The following PDCD1LG2 variants were observed in gnomAD, a reference collection of about 807,000 sequenced individuals.
The protein encoded by PDCD1LG2 is programmed cell death 1 ligand 2.
PDCD1LG2 carries 32 observed loss-of-function variants against 28.2 expected under a neutral mutation model. The ratio of observed to expected loss-of-function variants is 1.13; its 90% confidence interval spans 0.86 to 1.52. The LOEUF is 1.52. Among genes scored for constraint, PDCD1LG2 ranks in the 40% most tolerant of loss-of-function variants. The pLI is 0.00. For synonymous variants in PDCD1LG2, 116 were observed against 120.2 expected (o/e 0.97, Z 0.23); for missense variants, 385 against 323.8 (o/e 1.19, Z -1.45).
At chr9:5,515,271 A>G (rs1235800159) in intron 1 of PDCD1LG2, among the ~76,000 whole-genome samples, 1 of 152,206 alleles carries the variant, frequency 6.6e-6, no homozygotes, top group Non-Finnish European at 1.5e-5. Context: ...AGAAAACACA[A>G]GTGAATTTTA....
rs538194285 is a variant in PDCD1LG2 at position 5,549,331 on chromosome 9, C to T, written c.362-4C>T. ...CTTATTTCTTTTTCTTCTCTATTGT[C>T]CAGCTTCCTACAGGAAAATAAACAC... is the stretch of plus-strand genomic sequence containing the variant. On this transcript the variant is annotated splice_polypyrimidine_tract_variant and splice_region_variant and intron_variant, in intron 3 of 6. Transcript: ENST00000397747. 2.7e-5 allele frequency: 44 copies of T among 1,608,308 alleles called. No individual in the cohort carries two copies. Among genetic ancestry groups the T allele is most frequent in the Middle Eastern group, 3.3e-4 (2 of 6,026 alleles).
chr9:5,537,694 A>AT (rs1820607959), intron 3 of PDCD1LG2, among the ~76,000 whole-genome samples: 2 of 152,208 alleles, frequency 1.3e-5, no homozygotes, highest in African/African-American at 2.4e-5. Flanking sequence ...ACACATGGAC[A>AT]CAGGGAGGGG....
chr9:5,562,938 T>C (rs897285728), intron 5 of PDCD1LG2, among the ~76,000 whole-genome samples: 2 of 151,908 alleles, frequency 1.3e-5, no homozygotes, highest in Non-Finnish European at 2.9e-5. Flanking sequence ...GGGCCAGGAG[T>C]AGACAGAGGA....
At chr9:5,536,989 G>A (rs1820592552) in intron 3 of PDCD1LG2, among the ~76,000 whole-genome samples, 1 of 152,178 alleles carries the variant, frequency 6.6e-6, no homozygotes, top group Admixed American at 6.5e-5. Flanking sequence ...CCTCTATAGT[G>A]TTAAATAAAA....
At chr9:5,549,703 G>A (rs898188503) in intron 4 of PDCD1LG2, 99 bp downstream of exon 4, 5 of 1,397,346 alleles carry the variant, frequency 3.6e-6, no homozygotes, top group African/African-American at 1.4e-5. Context: ...TAAAGGGACT[G>A]TTTACAAAGG....
intron 4 of PDCD1LG2, among the ~76,000 whole-genome samples, chr9:5,556,822 T>C (rs1411261): frequency 0.18 from 27,513 of 152,148 alleles, 3,462 homozygotes; most frequent in African/African-American, 0.34. Flanking sequence ...AACACTCCTC[T>C]AGCCCTGCCT....
chr9:5,513,163 G>C (rs1820093530), intron 1 of PDCD1LG2, among the ~76,000 whole-genome samples: 1 of 152,244 alleles, frequency 6.6e-6, no homozygotes, highest in Admixed American at 6.5e-5. Flanking sequence ...CCGATTGGCA[G>C]CTCTGCCTGG....
intron 1 of PDCD1LG2, among the ~76,000 whole-genome samples, chr9:5,516,812 T>C (rs1291465109): frequency 5.3e-5 from 8 of 152,200 alleles, no homozygotes; most frequent in Admixed American, 5.2e-4. Flanking sequence ...CAGTAGCAGG[T>C]GCCAGGAGTG....
At chr9:5,526,813 G>T (rs369907256) in intron 2 of PDCD1LG2, among the ~76,000 whole-genome samples, 3 of 152,236 alleles carry the variant, frequency 2.0e-5, no homozygotes, top group African/African-American at 7.2e-5. Context: ...ATAAATGTAT[G>T]TTCTTTATAG....
chr9:5,536,594 C>G (rs1820584567), intron 3 of PDCD1LG2, among the ~76,000 whole-genome samples: 1 of 152,172 alleles, frequency 6.6e-6, no homozygotes, highest in African/African-American at 2.4e-5. Context: ...TTATTGATCT[C>G]TATCTGAATG....
At chr9:5,543,552 A>AG (rs1820732294) in intron 3 of PDCD1LG2, among the ~76,000 whole-genome samples, 1 of 150,950 alleles carries the variant, frequency 6.6e-6, no homozygotes, top group Non-Finnish European at 1.5e-5. Flanking sequence ...AAAAAAAAAA[A>AG]AAAAAAAATG....
chr9:5,529,949 T>A (rs1471490717), intron 2 of PDCD1LG2, among the ~76,000 whole-genome samples: 1 of 152,204 alleles, frequency 6.6e-6, no homozygotes, highest in Non-Finnish European at 1.5e-5. Flanking sequence ...CTTCAGAGTT[T>A]TCTGAAGAAT....
chr9:5,529,431 C>T (rs554878227), intron 2 of PDCD1LG2, among the ~76,000 whole-genome samples: 1 of 152,298 alleles, frequency 6.6e-6, no homozygotes, highest in Non-Finnish European at 1.5e-5. Flanking sequence ...ATTCAATAGC[C>T]TTTGAATCTT....
At chr9:5,556,827 C>T (rs1816451951) in intron 4 of PDCD1LG2, among the ~76,000 whole-genome samples, 1 of 152,140 alleles carries the variant, frequency 6.6e-6, no homozygotes, top group African/African-American at 2.4e-5. Flanking sequence ...TCCTCTAGCC[C>T]TGCCTTTTGT....
intron 2 of PDCD1LG2, among the ~76,000 whole-genome samples, chr9:5,526,503 C>A (rs888201459): frequency 1.3e-5 from 2 of 152,144 alleles, no homozygotes; most frequent in African/African-American, 4.8e-5. Flanking sequence ...AGTGGCCCAA[C>A]CACAGCTCAC....
intron 3 of PDCD1LG2, among the ~76,000 whole-genome samples, chr9:5,545,197 A>C (rs1816163365): frequency 6.6e-6 from 1 of 152,264 alleles, no homozygotes; most frequent in South Asian, 2.1e-4. Context: ...TGCTGTATCC[A>C]TTTCCTAAAC....
chr9:5,546,056 C>T (rs1244488832), intron 3 of PDCD1LG2, among the ~76,000 whole-genome samples: 1 of 152,162 alleles, frequency 6.6e-6, no homozygotes, highest in Non-Finnish European at 1.5e-5. Flanking sequence ...GCTGTGGAGA[C>T]ATTTCTGATA....
chr9:5,542,224 G>A (rs769245053), intron 3 of PDCD1LG2, among the ~76,000 whole-genome samples: 8 of 152,086 alleles, frequency 5.3e-5, no homozygotes, highest in Non-Finnish European at 1.2e-4. Context: ...AAACCATAAC[G>A]ATTCTAGAAG....
intron 3 of PDCD1LG2, among the ~76,000 whole-genome samples, chr9:5,546,371 T>G (rs2129858686): frequency 6.6e-6 from 1 of 152,268 alleles, no homozygotes; most frequent in East Asian, 1.9e-4. Context: ...TAATCTACAG[T>G]ATGATCATAT....
Sources: gnomAD v4.1 joint callset for allele counts (sites outside exome capture counted in the v4.1 genomes callset) on GRCh38, gnomAD v4.1.1 for gene constraint, MANE v1.5 for transcripts, NCBI Gene and HGNC (gene_info 2026-07-23, HGNC 2026-07-21) for gene names.